The following TCERG1 variants were observed in gnomAD, a reference collection of about 807,000 sequenced individuals.
The protein encoded by TCERG1 is TATA box binding protein (TBP)-associated factor, RNA polymerase II, S, 150kD.
TCERG1 carries 37 observed loss-of-function variants against 144.7 expected under a neutral mutation model. That is an observed-to-expected ratio of 0.26 (90% confidence interval 0.20 to 0.34). The LOEUF (loss-of-function observed/expected upper bound fraction) is 0.34. Ranked by LOEUF, TCERG1 falls within the 10% of genes least tolerant of loss-of-function variation. The pLI is 1.00. For synonymous variants in TCERG1, 492 were observed against 458.2 expected (o/e 1.07, Z -0.94); for missense variants, 1,027 against 1,380.7 (o/e 0.74, Z 4.06).
chr5:146,510,169 C>T (rs1017893423), intron 22 of TCERG1: 46 of 1,147,978 alleles, frequency 4.0e-5, no homozygotes, highest in Middle Eastern at 4.5e-4. Flanking sequence ...AGGTACAGCA[C>T]GGGCAAGATT....
rs552017841 is a variant in TCERG1, at chr5:146,490,181, A to G, written c.2164-2739A>G. ...TTAGAGGAAATTGAAGATGACTTACATGTCTAGCAGGGGACTGGTCAGGTA... is the reference window on the plus strand; with the variant it reads ...TTAGAGGAAATTGAAGATGACTTACGTGTCTAGCAGGGGACTGGTCAGGTA... On this transcript the variant is annotated intron_variant, in intron 15 of 22. Coordinates refer to ENST00000679501, the MANE Select transcript of TCERG1 (RefSeq NM_001382548.1). Among the ~76,000 whole-genome samples the G allele has an allele frequency of 5.5e-4, 84 of 152,316 alleles. 1 individual carries two copies. Among genetic ancestry groups the G allele is most frequent in the Non-Finnish European group, 3.8e-4 (26 of 68,012 alleles).
chr5:146,487,984 GAACACTCACTGTGGCAAGA>G (rs1766008086), intron 15 of TCERG1, among the ~76,000 whole-genome samples: 1 of 152,096 alleles, frequency 6.6e-6, no homozygotes, highest in South Asian at 2.1e-4. Flanking sequence ...AAGGTGCCAA[GAACACTCACTGTGGCAAGA>G]ACAGTCTCTT....
Position 146,503,450 on chromosome 5 carries a change from A to G in TCERG1, c.2509A>G (p.Lys837Glu). The G allele has an allele frequency of 6.2e-7, 1 of 1,614,016 alleles. No individual in the cohort carries two copies. ...SQSRWSKVKD[K>E]VESDPRYKAV... ...GTCTCGATGGAGCAAAGTAAAAGACAAAGTAGAAAGTGATCCACGTTACAA... is the reference window on the plus strand; with the variant it reads ...GTCTCGATGGAGCAAAGTAAAAGACGAAGTAGAAAGTGATCCACGTTACAA... The change falls in exon 18 of 23, where the codon AAA becomes GAA. Residue 837 changes from lysine (K) to glutamate (E), a missense_variant. Transcript: ENST00000679501.
chr5:146,472,969 TC>T (rs959482549), intron 9 of TCERG1, among the ~76,000 whole-genome samples: 3 of 152,122 alleles, frequency 2.0e-5, no homozygotes, highest in Admixed American at 2.0e-4. Flanking sequence ...CACCTTGGCC[TC>T]CCAAAGTGCT....
At chr5:146,486,778 G>T (rs775378378) in intron 15 of TCERG1, among the ~76,000 whole-genome samples, 7 of 152,062 alleles carry the variant, frequency 4.6e-5, no homozygotes, top group African/African-American at 1.2e-4. Context: ...AAATCTCTTA[G>T]AACTGATAAA....
At chr5:146,469,813 T>C (rs546139607) in intron 7 of TCERG1, 69 bp downstream of exon 7, 44 of 1,118,950 alleles carry the variant, frequency 3.9e-5, no homozygotes, top group Non-Finnish European at 5.1e-5. Flanking sequence ...TTTGAAATTC[T>C]GAGTTAATTT....
At chr5:146,499,294 T>C (rs1340082231) in intron 17 of TCERG1, among the ~76,000 whole-genome samples, 1 of 152,156 alleles carries the variant, frequency 6.6e-6, no homozygotes, top group African/African-American at 2.4e-5. Context: ...CTGGTATGCT[T>C]TGTGAATGTA....
Position 146,469,610 on chromosome 5 carries a change from C to T in TCERG1, c.1265C>T (p.Ser422Leu), listed in dbSNP as rs751369256. ...MIHPQVAIAA[S>L]PATLAGATAV... ...CATCCCCAGGTTGCTATTGCAGCTT[C>T]ACCTGCTACCTTAGCTGGAGCAACA... The change falls in exon 7 of 23, where the codon TCA becomes TTA. Residue 422 changes from serine to leucine, a missense_variant. Coordinates refer to ENST00000679501, the MANE Select transcript of TCERG1 (RefSeq NM_001382548.1). The T allele has an allele frequency of 6.2e-7, 1 of 1,613,524 alleles. No homozygotes were observed. The highest frequency in any genetic ancestry group is 8.5e-7 in the Non-Finnish European group (1 of 1,179,674).
chr5:146,500,894 G>T (rs1168426896), intron 17 of TCERG1, among the ~76,000 whole-genome samples: 1 of 151,436 alleles, frequency 6.6e-6, no homozygotes, highest in Non-Finnish European at 1.5e-5. Context: ...TGTAGTTCCA[G>T]TTACTCTGGA....
At chr5:146,503,016 G>A (rs1767625358) in intron 17 of TCERG1, 2 of 152,384 alleles carry the variant, frequency 1.3e-5, no homozygotes, top group Non-Finnish European at 1.5e-5. Flanking sequence ...AAAAAGAAAT[G>A]CAGCTCGATG....
intron 1 of TCERG1, 140 bp from the exon 2 acceptor site, chr5:146,454,916 C>A: frequency 1.1e-6 from 1 of 878,076 alleles, no homozygotes; most frequent in Non-Finnish European, 1.7e-6. Context: ...TAGTTTTTAT[C>A]ATGACGGTTG....
chr5:146,449,202 G>T (rs944857471), intron 1 of TCERG1, among the ~76,000 whole-genome samples: 1 of 152,096 alleles, frequency 6.6e-6, no homozygotes, highest in Non-Finnish European at 1.5e-5. Context: ...TGTCATAACC[G>T]CCTGGCAAAT....
Position 146,469,574 on chromosome 5 carries a change from T to C in TCERG1, c.1229T>C (p.Val410Ala), listed in dbSNP as rs1764102788. 6.2e-7 allele frequency: 1 copy of C among 1,610,762 alleles called. No individual in the cohort carries two copies. The change falls in exon 7 of 23, where the codon GTA becomes GCA. Residue 410 changes from valine to alanine, a missense_variant. By Grantham distance (64) the Val-to-Ala change is moderately conservative (BLOSUM62 0). Around this residue, in one of 6 missense-constraint regions of TCERG1, gnomAD observed 482 missense variants for 632.6 expected, o/e 0.76. Coordinates refer to ENST00000679501, the MANE Select transcript of TCERG1 (RefSeq NM_001382548.1). ...TTGCCAGGAATGGCCCCTCCTATCG[T>C]ACCCATGATACATCCCCAGGTTGCT... Reference protein sequence around the residue: ...GVLPGMAPPIVPMIHPQVAIA... With the variant: ...GVLPGMAPPIAPMIHPQVAIA...
chr5:146,506,699 ACTCT>A (rs1039255185), intron 19 of TCERG1, among the ~76,000 whole-genome samples: 2 of 151,646 alleles, frequency 1.3e-5, no homozygotes, highest in African/African-American at 4.9e-5. Flanking sequence ...GTGACCATCT[ACTCT>A]CTATTTCTAT....
intron 1 of TCERG1, among the ~76,000 whole-genome samples, chr5:146,453,482 A>G (rs1271086656): frequency 1.3e-5 from 2 of 152,228 alleles, no homozygotes; most frequent in African/African-American, 4.8e-5. Context: ...CTAAGAATAG[A>G]GATATTATTT....
intron 15 of TCERG1, among the ~76,000 whole-genome samples, chr5:146,485,987 G>A (rs992109148): frequency 2.0e-5 from 3 of 152,148 alleles, no homozygotes; most frequent in Non-Finnish European, 2.9e-5. Flanking sequence ...GAGCCACCAC[G>A]CCTGGCCTTT....
At chr5:146,462,830 A>G (rs1207963648) in intron 4 of TCERG1, among the ~76,000 whole-genome samples, 1 of 152,200 alleles carries the variant, frequency 6.6e-6, no homozygotes, top group East Asian at 1.9e-4. Flanking sequence ...ATTTACCTTC[A>G]TGAAATCACA....
intron 16 of TCERG1, among the ~76,000 whole-genome samples, chr5:146,495,741 T>G (rs1766834459): frequency 7.1e-6 from 1 of 141,332 alleles, no homozygotes; most frequent in Admixed American, 7.3e-5. Flanking sequence ...AACATAATCT[T>G]TGTTTTAACA....
At chr5:146,505,598 G>A (rs1443763264) in intron 19 of TCERG1, 2 of 152,038 alleles carry the variant, frequency 1.3e-5, no homozygotes. Flanking sequence ...CTGTTGCAGT[G>A]ACAGACTTTC....
Sources: gnomAD v4.1 joint callset for allele counts (sites outside exome capture counted in the v4.1 genomes callset) on GRCh38, gnomAD v4.1.1 for gene constraint, gnomAD v4.1.1 regional missense constraint, MANE v1.5 for transcripts, NCBI Gene and HGNC (gene_info 2026-07-23, HGNC 2026-07-21) for gene names.